The following KAZN variants were observed in gnomAD, a reference collection of about 807,000 sequenced individuals.
KAZN encodes kazrin, periplakin interacting protein, also known as kazrin.
Under a neutral mutation model 87.4 loss-of-function variants are expected in KAZN, and 40 were observed. The ratio of observed to expected loss-of-function variants is 0.46; its 90% CI spans 0.36 to 0.60. KAZN has a LOEUF of 0.60. Among genes scored for constraint, KAZN ranks in the 20% least tolerant of loss-of-function variants. The probability of loss-of-function intolerance (pLI) is 0.00; values close to 1 mark genes in which losing one functional copy is unlikely to be tolerated. For missense variants in KAZN, 898 were observed against 1,073.9 expected (o/e 0.84, Z 2.29); for synonymous variants, 466 against 458.3 (o/e 1.02, Z -0.22).
At chr1:14,432,592 T>C (rs1052246085) in intron 2 of KAZN, among the ~76,000 whole-genome samples, 5 of 152,160 alleles carry the variant, frequency 3.3e-5, no homozygotes, top group African/African-American at 1.2e-4. Context: ...CCGGGATACA[T>C]GTGCAGAATG....
At chr1:15,003,676 G>C (rs1396284772) in intron 2 of KAZN, among the ~76,000 whole-genome samples, 1 of 152,172 alleles carries the variant, frequency 6.6e-6, no homozygotes, top group African/African-American at 2.4e-5. Flanking sequence ...GGGAGCTTGG[G>C]AAAAGGGGTG....
chr1:14,295,389 T>C (rs1654031022), intron 2 of KAZN, among the ~76,000 whole-genome samples: 1 of 152,184 alleles, frequency 6.6e-6, no homozygotes, highest in African/African-American at 2.4e-5. Flanking sequence ...CCCTCCCAGC[T>C]TCTCCCTCTC....
In KAZN at chr1:15,116,293, G is replaced by A. The variant is rs1221375203; in HGVS notation, c.*1658G>A. 6.6e-6 allele frequency: 1 copy of A among 152,214 alleles called. No individual in the cohort carries two copies. Among genetic ancestry groups the A allele is most frequent in the East Asian group, 1.9e-4 (1 of 5,206 alleles). 9.4% of individuals were successfully genotyped at this position (152,214 alleles called of 1,614,324 possible). ...CGTGTGTTCTTCAACCTGGCAAATT[G>A]TTTCCTCTCATGGGGGAAGCCGAGC... On this transcript the variant is annotated 3_prime_UTR_variant, in exon 15 of 15. Transcript: ENST00000376030.
chr1:14,364,542 C>G (rs1024155063), intron 2 of KAZN, among the ~76,000 whole-genome samples: 1 of 152,100 alleles, frequency 6.6e-6, no homozygotes, highest in African/African-American at 2.4e-5. Context: ...GGAAAGGGAT[C>G]CATAAAGAGG....
chr1:13,969,393 A>T (rs2092431), intron 1 of KAZN, among the ~76,000 whole-genome samples: 63,768 of 152,010 alleles, frequency 0.42, 13,683 homozygotes, highest in East Asian at 0.64. Flanking sequence ...ACATGCTGAC[A>T]GGGAGAAAAC....
At chr1:14,068,891 C>T (rs746301515) in intron 1 of KAZN, among the ~76,000 whole-genome samples, 1 of 151,820 alleles carries the variant, frequency 6.6e-6, no homozygotes, top group Non-Finnish European at 1.5e-5. Flanking sequence ...CTCTGCCTCC[C>T]GAGTTCAAGT....
intron 1 of KAZN, among the ~76,000 whole-genome samples, chr1:14,059,112 A>G (rs552128391): frequency 6.6e-6 from 1 of 152,364 alleles, no homozygotes. Flanking sequence ...ACCTGGTGTT[A>G]TTAGTCAGGG....
chr1:14,665,667 AG>A (rs762710595), intron 1 of KAZN, among the ~76,000 whole-genome samples: 4 of 152,052 alleles, frequency 2.6e-5, no homozygotes, highest in African/African-American at 9.7e-5. Flanking sequence ...TGAAAAGTGG[AG>A]GGGCTAACCA....
chr1:14,596,814 A>T (rs1224440388), upstream of KAZN, among the ~76,000 whole-genome samples: 1 of 152,224 alleles, frequency 6.6e-6, no homozygotes, highest in Non-Finnish European at 1.5e-5. Context: ...TCCATTGCAT[A>T]CTGCAATTTG....
intron 2 of KAZN, among the ~76,000 whole-genome samples, chr1:14,321,282 A>C (rs937783845): frequency 2.0e-5 from 3 of 152,206 alleles, no homozygotes; most frequent in Non-Finnish European, 4.4e-5. Context: ...TCTATCTCAA[A>C]GTCAAAGCCA....
chr1:14,544,350 C>CTTTTTTTTT (rs374148415), intron 2 of KAZN, among the ~76,000 whole-genome samples: 578 of 97,986 alleles, frequency 5.9e-3, no homozygotes, highest in Middle Eastern at 0.016. Context: ...TTCTTTCTTT[C>CTTTTTTTTT]TTTTTTTTTT....
At chr1:14,698,010 G>T (rs1641712198) in intron 1 of KAZN, among the ~76,000 whole-genome samples, 1 of 152,192 alleles carries the variant, frequency 6.6e-6, no homozygotes, top group Admixed American at 6.5e-5. Flanking sequence ...CCCTTCTCGG[G>T]AGTATAAGGC....
intron 2 of KAZN, among the ~76,000 whole-genome samples, chr1:14,295,547 A>G (rs1232626529): frequency 6.6e-6 from 1 of 152,174 alleles, no homozygotes; most frequent in Non-Finnish European, 1.5e-5. Flanking sequence ...ACACACACAG[A>G]CATGCAGAGA....
At chr1:14,436,880 T>C (rs1258180857) in intron 2 of KAZN, among the ~76,000 whole-genome samples, 1 of 152,218 alleles carries the variant, frequency 6.6e-6, no homozygotes, top group Non-Finnish European at 1.5e-5. Context: ...CAGGTCTGTC[T>C]GATTCCAAAG....
intron 2 of KAZN, among the ~76,000 whole-genome samples, chr1:14,583,894 C>T (rs1675698440): frequency 6.6e-6 from 1 of 152,148 alleles, no homozygotes; most frequent in Admixed American, 6.5e-5. Flanking sequence ...GTGCAGCTCA[C>T]CTAAAGCTGC....
At position 14,179,150 on chromosome 1, in the gene KAZN, G is replaced by A. The variant is rs112760309; in HGVS notation, c.92-1285G>A. 7.0e-3 allele frequency among the ~76,000 whole-genome samples: 1,072 copies of A among 152,258 alleles called. 17 individuals are homozygous for A. The highest frequency in any genetic ancestry group is 0.024 in the African/African-American group (1,017 of 41,534). On this transcript the variant is annotated intron_variant, in intron 1 of 16. Coordinates refer to the KAZN transcript ENST00000636203. ...CAGACACAGGATTGATATTCAGCCAGCAACTCAAAGGCAACCCCTTTGCAG... is the reference window on the plus strand; with the variant it reads ...CAGACACAGGATTGATATTCAGCCAACAACTCAAAGGCAACCCCTTTGCAG...
chr1:14,404,396 G>GA (rs1184087628), intron 2 of KAZN, among the ~76,000 whole-genome samples: 2 of 152,134 alleles, frequency 1.3e-5, no homozygotes, highest in Admixed American at 1.3e-4. Flanking sequence ...GCTTTTTGTT[G>GA]AAAGGGAAAT....
At chr1:14,536,663 C>A (rs1034410185) in intron 2 of KAZN, among the ~76,000 whole-genome samples, 3 of 152,134 alleles carry the variant, frequency 2.0e-5, no homozygotes, top group African/African-American at 4.8e-5. Flanking sequence ...GGGTGGACAA[C>A]CTGAGGTCAG....
At chr1:14,134,424 T>C (rs918785552) in intron 1 of KAZN, among the ~76,000 whole-genome samples, 1 of 152,204 alleles carries the variant, frequency 6.6e-6, no homozygotes, top group Non-Finnish European at 1.5e-5. Context: ...TCGTTTCATC[T>C]TGATGACTCT....
Sources: gnomAD v4.1 joint callset for allele counts (sites outside exome capture counted in the v4.1 genomes callset) on GRCh38, gnomAD v4.1.1 for gene constraint, MANE v1.5 for transcripts, NCBI Gene and HGNC (gene_info 2026-07-23, HGNC 2026-07-21) for gene names.